The following ZNF329 variants were observed in gnomAD, a reference collection of about 807,000 sequenced individuals.
ZNF329 encodes zinc finger protein 329.
In ZNF329, 15 loss-of-function variants were observed where a neutral mutation model predicts 26.6. The ratio of observed to expected loss-of-function variants is 0.56; its 90% CI spans 0.38 to 0.87. ZNF329 has a LOEUF of 0.87. ZNF329 is among the 40% of genes least tolerant of loss of function. The pLI is 0.00. For missense variants in ZNF329, 651 were observed against 651.9 expected (o/e 1.00, Z 0.02); for synonymous variants, 239 against 233.5 (o/e 1.02, Z -0.21).
At chr19:58,137,043 C>G (rs2075085558) in intron 3 of ZNF329, 1 of 176,116 alleles carries the variant, frequency 5.7e-6, no homozygotes, top group Admixed American at 5.2e-5. Flanking sequence ...ACCTTCAACA[C>G]CTTGTAAGTA....
chr19:58,153,204 G>A (rs111260112), upstream of ZNF329, among the ~76,000 whole-genome samples: 3,707 of 152,142 alleles, frequency 0.024, 134 homozygotes, highest in African/African-American at 0.083. Flanking sequence ...CCACCTTCCA[G>A]GTTCAAGTGA....
chr19:58,146,723 G>A (rs1003360455), intron 1 of ZNF329, among the ~76,000 whole-genome samples: 35 of 151,972 alleles, frequency 2.3e-4, no homozygotes, highest in Non-Finnish European at 4.1e-4. Context: ...ACTGGTTTTC[G>A]TATTTTTTTG....
chr19:58,150,317 G>T (rs546706249), intron 1 of ZNF329, among the ~76,000 whole-genome samples: 1 of 152,348 alleles, frequency 6.6e-6, no homozygotes, highest in Non-Finnish European at 1.5e-5. Context: ...AATTCAGCCG[G>T]AGGCCGACCC....
rs1390937021 is a variant in ZNF329 at position 58,129,042 on chromosome 19, CTT to C, written c.460_461del (p.Lys154ValfsTer3). ...EKPYKYPESV[K>X]SFNHFTSLGH... is the part of the protein sequence containing the mutation. The stretch of plus-strand genomic sequence containing the variant: ...CAAGAGAGGTAAAATGATTAAAAGA[CTT>C]AACACTTTCAGGGTATTTGTAGGGC... On this transcript the variant is annotated frameshift_variant, in exon 4 of 4. Transcript: ENST00000598312. LOFTEE classifies it high-confidence loss of function. The C allele has an allele frequency of 6.2e-7, 1 of 1,613,934 alleles. No homozygotes were observed.
chr19:58,129,367 T>C lies in ZNF329; in HGVS notation c.137A>G (p.His46Arg). 6.2e-7 allele frequency: 1 copy of C among 1,614,228 alleles called. No homozygotes were observed. The highest frequency in any genetic ancestry group is 1.1e-5 in the South Asian group (1 of 91,088). ...DGWDCENQEG[H>R]LRQSALTLEK... The stretch of plus-strand genomic sequence containing the variant: ...CAGAGTTAAAGCTGATTGCCTCAAG[T>C]GTCCCTCCTGGTTCTCACAGTCCCA... Residue 46 changes from histidine (H) to arginine (R), a missense_variant, in exon 4 of 4, where the codon CAC (histidine) becomes CGC (arginine). Physicochemically the swap from His to Arg is conservative, Grantham distance 29. Transcript: ENST00000598312.
chr19:58,147,660 G>A lies in ZNF329; in HGVS notation c.-208+3092C>T, dbSNP rs543742068. On this transcript the variant is annotated intron_variant, in intron 1 of 3. Transcript: ENST00000598312. The stretch of plus-strand genomic sequence containing the variant: ...GAGGGAGGTGGGGGGCCAGCCCCCC[G>A]CCCGGCCAGCCGCCCTGTCTGGGAG... 5.5e-4 allele frequency among the ~76,000 whole-genome samples: 79 copies of A among 143,234 alleles called. 1 individual carries two copies. The highest frequency in any genetic ancestry group is 1.8e-3 in the South Asian group (8 of 4,538). 94.0% of individuals were successfully genotyped at this position (143,234 alleles called of 152,430 possible).
rs2074914311 is a variant in ZNF329, at chr19:58,130,530, C to T, written c.-8-1019G>A. Among the ~76,000 whole-genome samples, 11 of 151,792 alleles carry T rather than the reference C, an allele frequency of 7.2e-5. No individual in the cohort carries two copies. The South Asian group carries it at 2.3e-3, about 32-fold the overall frequency. Reference sequence around the variant, plus strand: ...TACTAAAAAAATACAAACAATTAGCCAGGCGTGGTGGCGGGCGCCTGTAGT... The same window carrying T: ...TACTAAAAAAATACAAACAATTAGCTAGGCGTGGTGGCGGGCGCCTGTAGT... On this transcript the variant is annotated intron_variant, in intron 3 of 3. Transcript: ENST00000598312.
chr19:58,129,536 CTT>C, intron 3 of ZNF329, 25 bp from the exon 4 acceptor site: 1 of 1,544,340 alleles, frequency 6.5e-7, no homozygotes, highest in Non-Finnish European at 8.7e-7. Flanking sequence ...AAAATGCAGA[CTT>C]AGGTATATGA....
chr19:58,145,266 G>T (rs115012540), intron 1 of ZNF329, among the ~76,000 whole-genome samples: 5,384 of 150,112 alleles, frequency 0.036, 337 homozygotes, highest in African/African-American at 0.12. Flanking sequence ...CTGGGATTAA[G>T]GCGTGAGCCA....
chr19:58,148,821 A>G (rs564788704), intron 1 of ZNF329, among the ~76,000 whole-genome samples: 1 of 152,360 alleles, frequency 6.6e-6, no homozygotes, highest in South Asian at 2.1e-4. Flanking sequence ...GTATGTAAAT[A>G]TATGTCTGTA....
intron 1 of ZNF329, among the ~76,000 whole-genome samples, chr19:58,148,530 T>A (rs992130029): frequency 1.3e-5 from 2 of 151,452 alleles, no homozygotes; most frequent in African/African-American, 4.9e-5. Context: ...TTGGGTGTGA[T>A]AATAACACTA....
At chr19:58,147,146 A>G (rs1195062202) in intron 1 of ZNF329, among the ~76,000 whole-genome samples, 2 of 143,898 alleles carry the variant, frequency 1.4e-5, no homozygotes, top group African/African-American at 2.7e-5. Flanking sequence ...AGATGTGGGG[A>G]GCGCCTCTGC....
At chr19:58,152,936 G>A (rs1207755852), upstream of ZNF329, among the ~76,000 whole-genome samples, 2 of 152,062 alleles carry the variant, frequency 1.3e-5, no homozygotes, top group African/African-American at 4.8e-5. Context: ...CACTAATACA[G>A]ACACAAATAT....
At chr19:58,144,487 A>G (rs912373096) in intron 1 of ZNF329, among the ~76,000 whole-genome samples, 1 of 151,656 alleles carries the variant, frequency 6.6e-6, no homozygotes, top group African/African-American at 2.4e-5. Flanking sequence ...TCCTGGGTTC[A>G]AGTGACTCTC....
chr19:58,134,345 G>A (rs1326762630), intron 3 of ZNF329, among the ~76,000 whole-genome samples: 1 of 152,158 alleles, frequency 6.6e-6, no homozygotes, highest in Non-Finnish European at 1.5e-5. Flanking sequence ...AATCCAGAAA[G>A]CTGGTAAGGG....
At chr19:58,135,666 T>C (rs1033281949) in intron 3 of ZNF329, among the ~76,000 whole-genome samples, 1 of 152,192 alleles carries the variant, frequency 6.6e-6, no homozygotes, top group African/African-American at 2.4e-5. Context: ...ATCACACAGC[T>C]GGATGAAAAT....
At position 58,129,148 on chromosome 19, in the gene ZNF329, G is replaced by A; in HGVS notation, c.356C>T (p.Thr119Ile). Residue 119 changes from threonine (T) to isoleucine (I), a missense_variant, in exon 4 of 4, where the codon ACT becomes ATT. Transcript: ENST00000598312. Reference sequence around the variant, plus strand: ...TTTTCCACAGGCATCACTGTCACCAGTTCTCTTATCTGCATAACTTTTAGG... The same window carrying A: ...TTTTCCACAGGCATCACTGTCACCAATTCTCTTATCTGCATAACTTTTAGG... ...SYPKSYADKR[T>I]GDSDACGKGF... 1.9e-6 allele frequency: 3 copies of A among 1,614,096 alleles called. No homozygotes were observed. Among genetic ancestry groups the A allele is most frequent in the Non-Finnish European group, 2.5e-6 (3 of 1,180,032 alleles).
Position 58,127,233 on chromosome 19 carries a change from T to C in ZNF329, c.*645A>G, listed in dbSNP as rs2074821699. 6.6e-6 allele frequency: 1 copy of C among 152,154 alleles called. No individual in the cohort carries two copies. The highest frequency in any genetic ancestry group is 2.4e-5 in the African/African-American group (1 of 41,428). 9.4% of individuals were successfully genotyped at this position (152,154 alleles called of 1,614,324 possible). On this transcript the variant is annotated 3_prime_UTR_variant, in exon 4 of 4. Coordinates refer to ENST00000598312, the MANE Select transcript of ZNF329 (RefSeq NM_024620.4). ...AAAAAGGTTGATTCAGGCCAGGCAG[T>C]GTCTCATGCCTGTAATCCCAACACT...
chr19:58,128,277 G>A lies in ZNF329; in HGVS notation c.1227C>T (p.Ile409=), dbSNP rs760934728. The A allele has an allele frequency of 4.9e-5, 79 of 1,610,286 alleles. No individual in the cohort carries two copies. Among genetic ancestry groups the A allele is most frequent in the African/African-American group, 9.4e-5 (7 of 74,826 alleles). ...YECKECGKTF[I]ESAYLIRHQR... is the part of the protein sequence containing the mutation. ...GATGCCTGATGAGGTACGCACTCTC[G>A]ATGAAAGTCTTGCCACATTCTTTAC... Residue 409 remains isoleucine (I), a synonymous_variant, in exon 4 of 4, where the codon ATC becomes ATT. Transcript: ENST00000598312.
Sources: allele counts gnomAD v4.1 joint callset (sites outside exome capture counted in the v4.1 genomes callset), GRCh38; gene constraint gnomAD v4.1.1; transcripts MANE v1.5; gene names NCBI Gene and HGNC (gene_info 2026-07-23, HGNC 2026-07-21).